Variants in IFT80 observed in about 807,000 individuals in gnomAD.
The protein encoded by IFT80 is intraflagellar transport protein 80 homolog.
IFT80 carries 79 observed loss-of-function variants against 107.9 expected under a neutral mutation model. That is an observed-to-expected ratio of 0.73 (90% CI 0.61 to 0.88). IFT80 has a LOEUF of 0.88. IFT80 is among the 40% of genes least tolerant of loss of function. The pLI, the probability that IFT80 is intolerant of heterozygous loss-of-function variation, is 0.00. For synonymous variants in IFT80, 299 were observed against 300.9 expected (o/e 0.99, Z 0.07); for missense variants, 797 against 914.2 (o/e 0.87, Z 1.65).
At chr3:160,322,264 C>G (rs80275310) in intron 8 of IFT80, among the ~76,000 whole-genome samples, 1 of 144,678 alleles carries the variant, frequency 6.9e-6, no homozygotes, top group South Asian at 2.4e-4. Flanking sequence ...CAATTCCCAT[C>G]TATGAGTGAG....
chr3:160,263,704 T>A (rs992644558), intron 19 of IFT80, among the ~76,000 whole-genome samples: 12 of 152,166 alleles, frequency 7.9e-5, no homozygotes, highest in South Asian at 2.1e-4. Context: ...GGGGACGGAG[T>A]CTCACTCTGT....
At chr3:160,367,967 T>C (rs1352449683) in intron 5 of IFT80, among the ~76,000 whole-genome samples, 5 of 151,942 alleles carry the variant, frequency 3.3e-5, no homozygotes, top group South Asian at 2.1e-4. Context: ...ATCTATGAAA[T>C]AGTAACCCAA....
chr3:160,298,759 G>C (rs1313067094), intron 12 of IFT80, among the ~76,000 whole-genome samples: 1 of 152,062 alleles, frequency 6.6e-6, no homozygotes, highest in Non-Finnish European at 1.5e-5. Context: ...TATGCACTTA[G>C]GCTATATGAT....
chr3:160,398,652 T>C (rs1714070780), intron 1 of IFT80, among the ~76,000 whole-genome samples: 1 of 152,162 alleles, frequency 6.6e-6, no homozygotes, highest in South Asian at 2.1e-4. Context: ...GACCTCAGGT[T>C]AAAAACCCAC....
intron 6 of IFT80, among the ~76,000 whole-genome samples, chr3:160,357,927 GAAT>G (rs1434220855): frequency 6.6e-6 from 1 of 152,160 alleles, no homozygotes; most frequent in Non-Finnish European, 1.5e-5. Flanking sequence ...AATGTCAACT[GAAT>G]CCAAATCTTG....
chr3:160,317,836 T>C (rs954856334), intron 9 of IFT80, among the ~76,000 whole-genome samples: 4 of 152,002 alleles, frequency 2.6e-5, no homozygotes, highest in Admixed American at 2.6e-4. Context: ...AGGGGACTCT[T>C]CAGACCAAAA....
Position 160,383,778 on chromosome 3 carries a change from A to C in IFT80, c.37+786T>G, listed in dbSNP as rs545791118. 16 of 985,416 alleles carry C rather than the reference A, an allele frequency of 1.6e-5. No individual in the cohort carries two copies. In the South Asian group the frequency reaches 6.1e-4, roughly 38 times the overall value. The allele number at this position is 985,416 out of a possible 1,614,324, so 61.0% of individuals were successfully genotyped here. A position where few individuals can be genotyped will look rare whatever the true frequency, so the allele number is the denominator to read the frequency against. ...ACTCTTGCTGACAAAATATAGGGTC[A>C]TGTGTTTGAGAAAATATTATTAATT... On this transcript the variant is annotated intron_variant, in intron 2 of 19. Coordinates refer to ENST00000326448, the MANE Select transcript of IFT80 (RefSeq NM_020800.3).
intron 5 of IFT80, among the ~76,000 whole-genome samples, chr3:160,370,105 T>C (rs1278355614): frequency 6.6e-6 from 1 of 152,188 alleles, no homozygotes; most frequent in African/African-American, 2.4e-5. Flanking sequence ...AAATATACCA[T>C]GTTTTTCACA....
At chr3:160,370,620 T>C (rs1387969610) in intron 5 of IFT80, among the ~76,000 whole-genome samples, 22 of 152,156 alleles carry the variant, frequency 1.4e-4, no homozygotes. Context: ...AACTTCCCCA[T>C]AGCTTCACCT....
Position 160,279,202 on chromosome 3 carries a change from G to A in IFT80, c.1827C>T (p.Arg609=), listed in dbSNP as rs1427592842. The A allele has an allele frequency of 1.9e-6, 3 of 1,612,656 alleles. No individual in the cohort carries two copies. Among genetic ancestry groups the A allele is most frequent in the Admixed American group, 1.7e-5 (1 of 59,968 alleles). Reference sequence around the variant, plus strand: ...CTAAAATGTAAATTACCTTAACAAAGCGACAAAGTCTCACAGCATCTTCCC... The same window carrying A: ...CTAAAATGTAAATTACCTTAACAAAACGACAAAGTCTCACAGCATCTTCCC... ...SKWEDAVRLC[R]FVKEQTMWAC... is the part of the protein sequence containing the mutation. The change falls in exon 16 of 20, where the codon CGC becomes CGT. Residue 609 remains arginine (R), a synonymous_variant. Transcript: ENST00000326448.
chr3:160,352,841 C>T (rs1720811510), intron 8 of IFT80, among the ~76,000 whole-genome samples: 2 of 152,142 alleles, frequency 1.3e-5, no homozygotes, highest in African/African-American at 4.8e-5. Flanking sequence ...ATCTCCTGAA[C>T]CTGTCTATTT....
In IFT80 at chr3:160,303,962, T is replaced by C. The variant is rs369114064; in HGVS notation, c.1104A>G (p.Ile368Met). The change falls in exon 11 of 20, where the codon ATA (isoleucine) becomes ATG (methionine). Residue 368 changes from isoleucine to methionine, a missense_variant. By Grantham distance (10) the Ile-to-Met change is conservative. Coordinates refer to ENST00000326448, the MANE Select transcript of IFT80 (RefSeq NM_020800.3). ...FSTKNWNTPI[I>M]FDLKEGTVSL... Reference sequence around the variant, plus strand: ...TAACAGTTCCTTCTTTGAGATCAAATATAATTGGTGTGTTCCAGTTCTTCG... The same window carrying C: ...TAACAGTTCCTTCTTTGAGATCAAACATAATTGGTGTGTTCCAGTTCTTCG... 2 of 1,611,270 alleles carry C rather than the reference T, an allele frequency of 1.2e-6. No individual in the cohort carries two copies. Among genetic ancestry groups the C allele is most frequent in the Middle Eastern group, 1.6e-4 (1 of 6,064 alleles).
chr3:160,270,079 C>A (rs927245165), intron 18 of IFT80, among the ~76,000 whole-genome samples: 3 of 152,208 alleles, frequency 2.0e-5, no homozygotes, highest in Non-Finnish European at 2.9e-5. Context: ...TGGCTCACTG[C>A]AACCTCTGCT....
At chr3:160,277,718 C>CTTATTTTAAGGCAGTT in intron 16 of IFT80, 48 bp from the exon 17 acceptor site, 2 of 1,241,038 alleles carry the variant, frequency 1.6e-6, no homozygotes, top group Non-Finnish European at 2.4e-6. Flanking sequence ...GACTGAACTG[C>CTTATTTTAAGGCAGTT]CTTAAAATAA....
At chr3:160,349,853 C>T (rs1720551565) in intron 8 of IFT80, among the ~76,000 whole-genome samples, 1 of 152,038 alleles carries the variant, frequency 6.6e-6, no homozygotes, top group Non-Finnish European at 1.5e-5. Flanking sequence ...TTACTCTAAG[C>T]TGACACCAGC....
At chr3:160,360,032 G>C (rs1345958130) in intron 6 of IFT80, among the ~76,000 whole-genome samples, 1 of 152,228 alleles carries the variant, frequency 6.6e-6, no homozygotes, top group Non-Finnish European at 1.5e-5. Flanking sequence ...CTAGGCTTCA[G>C]AAGGTCAGTA....
At chr3:160,259,061 T>A (rs1576710757) in intron 19 of IFT80, among the ~76,000 whole-genome samples, 1 of 152,254 alleles carries the variant, frequency 6.6e-6, no homozygotes, top group East Asian at 1.9e-4. Context: ...TGAGCCGTGA[T>A]TGCACCATTG....
At chr3:160,344,777 G>T (rs1160666019) in intron 8 of IFT80, among the ~76,000 whole-genome samples, 1 of 152,092 alleles carries the variant, frequency 6.6e-6, no homozygotes, top group Non-Finnish European at 1.5e-5. Context: ...CAAAAATTGG[G>T]CAAAAGATCT....
chr3:160,278,019 G>T (rs1714398733), intron 16 of IFT80, among the ~76,000 whole-genome samples: 1 of 152,170 alleles, frequency 6.6e-6, no homozygotes, highest in Admixed American at 6.6e-5. Context: ...CTCAGACAAT[G>T]ATATTATGGT....
Sources: gnomAD v4.1 joint callset for allele counts (sites outside exome capture counted in the v4.1 genomes callset) on GRCh38, gnomAD v4.1.1 for gene constraint, MANE v1.5 for transcripts, NCBI Gene and HGNC (gene_info 2026-07-23, HGNC 2026-07-21) for gene names.